Variants in SPOCK1 observed in about 807,000 individuals in gnomAD.
The protein encoded by SPOCK1 is SPARC (osteonectin), cwcv and kazal like domains proteoglycan 1.
A neutral mutation model predicts 55.3 loss-of-function variants in SPOCK1; 23 were observed. That is an observed-to-expected ratio of 0.42 (90% confidence interval 0.30 to 0.59). The LOEUF (loss-of-function observed/expected upper bound fraction) is 0.59, where lower values mean the gene tolerates loss of function less well. SPOCK1 is among the 20% of genes least tolerant of loss of function. SPOCK1 has a pLI of 0.22. For missense variants in SPOCK1, 499 were observed against 552.5 expected (o/e 0.90, Z 0.97); for synonymous variants, 226 against 221.0 (o/e 1.02, Z -0.20).
At chr5:137,497,865 CAT>C (rs553900640) in intron 2 of SPOCK1, among the ~76,000 whole-genome samples, 96 of 151,928 alleles carry the variant, frequency 6.3e-4, no homozygotes, top group Non-Finnish European at 1.1e-3. Flanking sequence ...CACACACACA[CAT>C]GCAACACCTG....
rs1026167697 is a variant in SPOCK1 at position 137,402,579 on chromosome 5, G to A, written c.186+95794C>T. Among the ~76,000 whole-genome samples, 9 of 152,218 alleles carry A rather than the reference G, an allele frequency of 5.9e-5. No homozygotes were observed. In the East Asian group the frequency reaches 1.4e-3, roughly 23 times the overall value. ...AACAACTCCATTAATTACACATGAC[G>A]GTGTGAATGCTGGGGTTGCAAAAGC... is the stretch of plus-strand genomic sequence containing the variant. On this transcript the variant is annotated intron_variant, in intron 2 of 10. Coordinates refer to ENST00000394945, the MANE Select transcript of SPOCK1 (RefSeq NM_004598.4).
chr5:137,112,440 A>T lies in SPOCK1; in HGVS notation c.469T>A (p.Ser157Thr). The change falls in exon 5 of 11, where the codon TCC becomes ACC. Residue 157 changes from serine (S) to threonine (T), a missense_variant. By Grantham distance (58) the Ser-to-Thr change is moderately conservative. Coordinates refer to ENST00000394945, the MANE Select transcript of SPOCK1 (RefSeq NM_004598.4). The part of the protein sequence containing the change: ...VCGSDGHSYT[S>T]KCKLEFHACS... ...AAAAAGACAAGAAAACCAACCTTGGATGTGTAGGAGTGGCCATCTGAGCCG... is the reference window on the plus strand; with the variant it reads ...AAAAAGACAAGAAAACCAACCTTGGTTGTGTAGGAGTGGCCATCTGAGCCG... 1 of 1,612,902 alleles carries T rather than the reference A, an allele frequency of 6.2e-7. No individual in the cohort carries two copies. Among genetic ancestry groups the T allele is most frequent in the Non-Finnish European group, 8.5e-7 (1 of 1,179,762 alleles).
chr5:137,169,381 C>A (rs935566465), intron 3 of SPOCK1, among the ~76,000 whole-genome samples: 3 of 152,102 alleles, frequency 2.0e-5, no homozygotes, highest in African/African-American at 7.2e-5. Context: ...TGATAGATAC[C>A]CCATTTGTCC....
intron 6 of SPOCK1, among the ~76,000 whole-genome samples, chr5:137,006,263 G>A (rs1034012771): frequency 2.6e-5 from 4 of 152,148 alleles, no homozygotes; most frequent in Admixed American, 1.3e-4. Flanking sequence ...TAGCTTGATG[G>A]GAATAGCATT....
intron 2 of SPOCK1, among the ~76,000 whole-genome samples, chr5:137,353,358 A>C (rs1199130050): frequency 3.3e-5 from 5 of 152,158 alleles, no homozygotes; most frequent in Non-Finnish European, 7.3e-5. Flanking sequence ...TCCAGCCTGG[A>C]TGACAGAGCA....
At chr5:137,097,782 C>T (rs1223920621) in intron 5 of SPOCK1, among the ~76,000 whole-genome samples, 1 of 152,056 alleles carries the variant, frequency 6.6e-6, no homozygotes, top group Non-Finnish European at 1.5e-5. Context: ...AATACCACTG[C>T]ATCTGCCACA....
intron 5 of SPOCK1, among the ~76,000 whole-genome samples, chr5:137,097,087 C>T (rs558745866): frequency 6.6e-6 from 1 of 152,290 alleles, no homozygotes; most frequent in East Asian, 1.9e-4. Flanking sequence ...ACACAGCAGA[C>T]AGTAATGTAG....
chr5:137,195,046 C>A (rs1397750410), intron 3 of SPOCK1, among the ~76,000 whole-genome samples: 1 of 152,210 alleles, frequency 6.6e-6, no homozygotes. Context: ...GAAAGACCAA[C>A]CAGGCCCCCA....
At chr5:137,255,040 T>C (rs1311941903) in intron 3 of SPOCK1, among the ~76,000 whole-genome samples, 2 of 152,222 alleles carry the variant, frequency 1.3e-5, no homozygotes, top group Non-Finnish European at 1.5e-5. Context: ...TTCGTCCATG[T>C]ATCAAGCCAG....
At chr5:137,498,266 C>CACA (rs1554083902) in intron 2 of SPOCK1, 107 bp downstream of exon 2, 1 of 746,994 alleles carries the variant, frequency 1.3e-6, no homozygotes, top group African/African-American at 2.0e-5. Flanking sequence ...CCCCTCCCAA[C>CACA]CACACACACA....
chr5:137,126,475 A>G lies in SPOCK1; in HGVS notation c.348-13914T>C, dbSNP rs140972541. Among the ~76,000 whole-genome samples the G allele has an allele frequency of 3.3e-5, 5 of 152,368 alleles. No individual in the cohort carries two copies. In the East Asian group the frequency reaches 9.6e-4, roughly 29 times the overall value. On this transcript the variant is annotated intron_variant, in intron 4 of 10. Coordinates refer to ENST00000394945, the MANE Select transcript of SPOCK1 (RefSeq NM_004598.4). ...AATGAGGAATATATTATTAGAAACT[A>G]CAGGAGATCAGGCACAGTTGCTCAC... is the stretch of plus-strand genomic sequence containing the variant.
At chr5:137,178,111 G>A (rs1754891996) in intron 3 of SPOCK1, among the ~76,000 whole-genome samples, 1 of 152,176 alleles carries the variant, frequency 6.6e-6, no homozygotes, top group African/African-American at 2.4e-5. Flanking sequence ...CCAGATCAAT[G>A]CAAGTGACAC....
chr5:137,271,541 G>A (rs1226712265), intron 2 of SPOCK1, among the ~76,000 whole-genome samples: 1 of 151,244 alleles, frequency 6.6e-6, no homozygotes, highest in Non-Finnish European at 1.5e-5. Flanking sequence ...CTATAATTTG[G>A]GTGATTAAGT....
chr5:137,285,273 G>A (rs1258573709), intron 2 of SPOCK1, among the ~76,000 whole-genome samples: 2 of 152,192 alleles, frequency 1.3e-5, no homozygotes, highest in Middle Eastern at 3.2e-3. Context: ...GACAGAACTG[G>A]AGAAAATATT....
At chr5:137,160,594 A>AAATG in intron 3 of SPOCK1, among the ~76,000 whole-genome samples, 1 of 65,218 alleles carries the variant, frequency 1.5e-5, no homozygotes, top group Non-Finnish European at 2.8e-5. Flanking sequence ...ATAATATATA[A>AAATG]TATATTATAT....
chr5:137,358,679 T>C (rs1170808035), intron 2 of SPOCK1, among the ~76,000 whole-genome samples: 1 of 152,216 alleles, frequency 6.6e-6, no homozygotes, highest in Non-Finnish European at 1.5e-5. Flanking sequence ...TCTTCAGCAG[T>C]TTCCTGCAAA....
intron 6 of SPOCK1, among the ~76,000 whole-genome samples, chr5:137,030,757 A>G (rs1751763166): frequency 6.6e-6 from 1 of 152,244 alleles, no homozygotes. Context: ...CATTTATCCT[A>G]TCAAAGATGT....
chr5:137,311,584 C>T (rs144765256), intron 2 of SPOCK1, among the ~76,000 whole-genome samples: 241 of 152,316 alleles, frequency 1.6e-3, no homozygotes, highest in African/African-American at 4.6e-3. Context: ...CTATCTACTC[C>T]GCTCTTTTCC....
Position 137,029,120 on chromosome 5 carries a change from C to T in SPOCK1, c.590-36520G>A, listed in dbSNP as rs547913455. Among the ~76,000 whole-genome samples the T allele has an allele frequency of 2.0e-5, 3 of 152,250 alleles. No homozygotes were observed. The East Asian group carries it at 5.8e-4, about 29-fold the overall frequency. On this transcript the variant is annotated intron_variant, in intron 6 of 10. Transcript: ENST00000394945. ...AGCCATACCCAGAGAGTAAAACTGG[C>T]CCAGGATGTGAGTATTTTGGTCTCC...
Sources: gnomAD v4.1 joint callset for allele counts (sites outside exome capture counted in the v4.1 genomes callset) on GRCh38, gnomAD v4.1.1 for gene constraint, MANE v1.5 for transcripts, NCBI Gene and HGNC (gene_info 2026-07-23, HGNC 2026-07-21) for gene names.